Variants in CELF2 observed in about 807,000 individuals in gnomAD.
CELF2 encodes the protein CUG triplet repeat RNA-binding protein 2.
Under a neutral mutation model 62.6 loss-of-function variants are expected in CELF2, and 8 were observed. The observed-to-expected ratio is 0.13, with a 90% CI of 0.07 to 0.23. CELF2 has a LOEUF of 0.23. Among genes scored for constraint, CELF2 ranks in the 10% least tolerant of loss-of-function variants. CELF2 has a pLI of 1.00. For synonymous variants in CELF2, 258 were observed against 250.0 expected (o/e 1.03, Z -0.30); for missense variants, 333 against 671.0 (o/e 0.50, Z 5.56).
chr10:11,249,034 A>T (rs2653522), intron 3 of CELF2, 119 bp from the exon 4 acceptor site: 2 of 752,700 alleles, frequency 2.7e-6, no homozygotes, highest in African/African-American at 1.8e-5. Flanking sequence ...TACCTGGAGA[A>T]GTCTTGTTGT....
intron 3 of CELF2, among the ~76,000 whole-genome samples, chr10:11,229,025 A>C (rs1301330976): frequency 6.6e-6 from 1 of 152,134 alleles, no homozygotes; most frequent in Non-Finnish European, 1.5e-5. Flanking sequence ...CAGACCCTAG[A>C]AGCACGTCCT....
chr10:11,021,615 T>C (rs1330827847), intron 1 of CELF2, among the ~76,000 whole-genome samples: 1 of 152,190 alleles, frequency 6.6e-6, no homozygotes, highest in Non-Finnish European at 1.5e-5. Flanking sequence ...CAGGATAGTT[T>C]ATTCACACCG....
intron 1 of CELF2, among the ~76,000 whole-genome samples, chr10:10,826,093 G>T (rs1187808753): frequency 6.6e-6 from 1 of 151,906 alleles, no homozygotes; most frequent in Non-Finnish European, 1.5e-5. Context: ...ACCATAAGAG[G>T]GTTGATTTCT....
intron 2 of CELF2, among the ~76,000 whole-genome samples, chr10:11,196,679 C>T (rs766205836): frequency 7.3e-5 from 11 of 150,952 alleles, no homozygotes; most frequent in African/African-American, 9.8e-5. Context: ...AAAACAGAAC[C>T]GGGCGCAGTG....
In CELF2 at chr10:11,305,594, G is replaced by T. The variant is rs564610748; in HGVS notation, c.977-8545G>T. Among the ~76,000 whole-genome samples, 3 of 152,240 alleles carry T rather than the reference G, an allele frequency of 2.0e-5. No homozygotes were observed. The highest frequency in any genetic ancestry group is 7.2e-5 in the African/African-American group (3 of 41,454). On this transcript the variant is annotated intron_variant, in intron 9 of 12. Coordinates refer to ENST00000633077, the MANE Select transcript of CELF2 (RefSeq NM_001326342.2). This position sits in a 1 kb window ranked among gnomAD's most constrained non-coding sequence, Gnocchi z 4.8. ...GTTGGGGGGTTCAGCTCTCAGCTCT[G>T]TTGGAGATATTATACGGGAGTTATT...
chr10:10,619,881 A>G, the CELF2 span, among the ~76,000 whole-genome samples: 1 of 152,142 alleles, frequency 6.6e-6, no homozygotes, highest in African/African-American at 2.4e-5. Flanking sequence ...CTTGTCGGTA[A>G]TGACAGGGAT....
the CELF2 span, among the ~76,000 whole-genome samples, chr10:10,507,290 A>G: frequency 1.0e-4 from 5 of 49,662 alleles, no homozygotes; most frequent in Admixed American, 5.2e-4. Flanking sequence ...TCATACTAAC[A>G]TCCGGAAATA....
chr10:10,892,253 A>G (rs1431673517), intron 1 of CELF2, among the ~76,000 whole-genome samples: 1 of 152,132 alleles, frequency 6.6e-6, no homozygotes, highest in Non-Finnish European at 1.5e-5. Flanking sequence ...GGTCACAATC[A>G]GGTTTAGGCA....
chr10:10,998,081 C>T (rs745395841), intron 2 of CELF2, among the ~76,000 whole-genome samples: 1 of 152,202 alleles, frequency 6.6e-6, no homozygotes, highest in East Asian at 1.9e-4. Flanking sequence ...GACTTTGCTC[C>T]TATTCACCTT....
At chr10:11,154,633 G>T (rs984258535) in intron 1 of CELF2, among the ~76,000 whole-genome samples, 11 of 152,204 alleles carry the variant, frequency 7.2e-5, no homozygotes, top group Non-Finnish European at 1.5e-4. Flanking sequence ...TGTCCAGACA[G>T]GAAAATTGTA....
chr10:11,220,817 G>T lies in CELF2; in HGVS notation c.354+3310G>T, dbSNP rs187420139. Among the ~76,000 whole-genome samples the T allele has an allele frequency of 6.6e-6, 1 of 152,206 alleles. No individual in the cohort carries two copies. The highest frequency in any genetic ancestry group is 1.9e-4 in the East Asian group (1 of 5,204). ...CAACAGAAGAAATTTTAGGTACAGT[G>T]CCTCATTAGTTACTGACATTTCATG... On this transcript the variant is annotated intron_variant, in intron 3 of 12. Transcript: ENST00000633077. This position sits in a 1 kb window ranked among gnomAD's most constrained non-coding sequence, Gnocchi z 4.4.
chr10:11,131,442 G>A (rs2059610402), intron 1 of CELF2, among the ~76,000 whole-genome samples: 1 of 152,152 alleles, frequency 6.6e-6, no homozygotes, highest in Non-Finnish European at 1.5e-5. Flanking sequence ...GTTAACTGTT[G>A]GGGTTATCCT....
At chr10:10,843,499 T>C (rs2058818091) in intron 1 of CELF2, among the ~76,000 whole-genome samples, 1 of 152,096 alleles carries the variant, frequency 6.6e-6, no homozygotes, top group South Asian at 2.1e-4. Flanking sequence ...CTGTTACTGA[T>C]CTATAATTTA....
At chr10:10,678,660 T>C in the CELF2 span, among the ~76,000 whole-genome samples, 2 of 152,312 alleles carry the variant, frequency 1.3e-5, no homozygotes, top group Non-Finnish European at 1.5e-5. Context: ...GGAGATTGAC[T>C]GTTGATAGGG....
At chr10:10,670,768 G>C in the CELF2 span, among the ~76,000 whole-genome samples, 2 of 152,134 alleles carry the variant, frequency 1.3e-5, no homozygotes, top group Non-Finnish European at 2.9e-5. Flanking sequence ...TCTAACCCTT[G>C]ACAACCACAC....
chr10:10,964,210 G>C (rs1350008774), intron 2 of CELF2, among the ~76,000 whole-genome samples: 1 of 152,094 alleles, frequency 6.6e-6, no homozygotes, highest in Non-Finnish European at 1.5e-5. Flanking sequence ...GAGAAGTTCT[G>C]GAATCTTTTT....
intron 1 of CELF2, among the ~76,000 whole-genome samples, chr10:10,910,655 G>A (rs1212182975): frequency 3.0e-5 from 4 of 134,036 alleles, no homozygotes; most frequent in African/African-American, 5.6e-5. Context: ...AGCCGAGATC[G>A]TGCCACTGCA....
At chr10:10,681,638 A>T in the CELF2 span, among the ~76,000 whole-genome samples, 1 of 152,214 alleles carries the variant, frequency 6.6e-6, no homozygotes, top group African/African-American at 2.4e-5. Context: ...CCATTTAAAA[A>T]AGTAAAAATG....
intron 1 of CELF2, among the ~76,000 whole-genome samples, chr10:11,140,002 C>T (rs191338828): frequency 6.6e-5 from 10 of 152,064 alleles, no homozygotes; most frequent in Admixed American, 1.3e-4. Flanking sequence ...AGGTTCAAAC[C>T]GGAAATGGTT....
Sources: gnomAD v4.1 joint callset for allele counts (sites outside exome capture counted in the v4.1 genomes callset) on GRCh38, gnomAD v4.1.1 for gene constraint, Gnocchi (gnomAD v3.1) non-coding constraint, MANE v1.5 for transcripts, NCBI Gene and HGNC (gene_info 2026-07-23, HGNC 2026-07-21) for gene names.